The following CNTN4 variants were observed in gnomAD, a reference collection of about 807,000 sequenced individuals.
CNTN4 encodes the protein contactin-4.
CNTN4 carries 77 observed loss-of-function variants against 122.5 expected under a neutral mutation model. That is an observed-to-expected ratio of 0.63 (90% CI 0.52 to 0.76). The LOEUF is 0.76. CNTN4 is among the 30% of genes least tolerant of loss of function. The pLI is 0.00. For synonymous variants in CNTN4, 512 were observed against 447.0 expected (o/e 1.15, Z -1.83); for missense variants, 1,256 against 1,259.1 (o/e 1.00, Z 0.04).
chr3:2,854,516 G>A (rs554069822), intron 7 of CNTN4, among the ~76,000 whole-genome samples: 1 of 151,880 alleles, frequency 6.6e-6, no homozygotes, highest in South Asian at 2.1e-4. Flanking sequence ...CAAGTGATCC[G>A]CCTGCCTCTG....
chr3:2,744,094 C>T (rs1559455524), intron 5 of CNTN4, among the ~76,000 whole-genome samples: 1 of 152,162 alleles, frequency 6.6e-6, no homozygotes, highest in Non-Finnish European at 1.5e-5. Flanking sequence ...AGATTACAGG[C>T]GTGAGCCACC....
At chr3:3,036,455 A>G (rs1049704297) in intron 17 of CNTN4, among the ~76,000 whole-genome samples, 19 of 152,104 alleles carry the variant, frequency 1.2e-4, no homozygotes, top group African/African-American at 4.3e-4. Flanking sequence ...AATGGGCACA[A>G]TAAGAATTGT....
At chr3:2,693,935 A>C (rs2085877015) in intron 4 of CNTN4, among the ~76,000 whole-genome samples, 1 of 152,162 alleles carries the variant, frequency 6.6e-6, no homozygotes, top group Admixed American at 6.5e-5. Context: ...TGCTGCTATT[A>C]TTAGACACAT....
At chr3:2,580,503 G>T (rs773625360) in intron 4 of CNTN4, among the ~76,000 whole-genome samples, 77 of 152,240 alleles carry the variant, frequency 5.1e-4, no homozygotes, top group Middle Eastern at 6.8e-3. Flanking sequence ...TTACTGTACT[G>T]GAATATGCTG....
In CNTN4 at chr3:2,539,566, C is replaced by T. The variant is rs771988302; in HGVS notation, c.-88-31850C>T. ...CCCGAAGAGATTGAGTATAATAAGC[C>T]GTCCATGGTATTTACACTTGGAAAG... On this transcript the variant is annotated intron_variant, in intron 3 of 24. Coordinates refer to ENST00000418658, the MANE Select transcript of CNTN4 (RefSeq NM_175607.3). 6.6e-5 allele frequency among the ~76,000 whole-genome samples: 10 copies of T among 151,982 alleles called. 1 individual carries two copies. The highest frequency in any genetic ancestry group is 2.0e-4 in the Admixed American group (3 of 15,238).
chr3:2,829,906 G>A (rs2093066394), intron 7 of CNTN4, among the ~76,000 whole-genome samples: 1 of 151,932 alleles, frequency 6.6e-6, no homozygotes, highest in Non-Finnish European at 1.5e-5. Context: ...TCTTTTTTTA[G>A]TTCTAGTAAG....
intron 6 of CNTN4, among the ~76,000 whole-genome samples, chr3:2,783,759 C>T (rs1454972891): frequency 1.3e-5 from 2 of 152,158 alleles, no homozygotes; most frequent in Non-Finnish European, 2.9e-5. Context: ...AACGTAAAGA[C>T]GAATCCATTT....
chr3:2,223,635 A>G (rs374003568), intron 2 of CNTN4, among the ~76,000 whole-genome samples: 4 of 152,186 alleles, frequency 2.6e-5, no homozygotes, highest in African/African-American at 9.7e-5. Context: ...CTTGGCTGGC[A>G]TCTGGGATCG....
intron 2 of CNTN4, among the ~76,000 whole-genome samples, chr3:2,272,586 C>A (rs888674508): frequency 3.3e-5 from 5 of 152,064 alleles, no homozygotes; most frequent in African/African-American, 1.2e-4. Flanking sequence ...GAGAATATTT[C>A]CAGTTGAATT....
chr3:2,972,264 T>C (rs1375068408), intron 13 of CNTN4, among the ~76,000 whole-genome samples: 2 of 152,170 alleles, frequency 1.3e-5, no homozygotes, highest in African/African-American at 4.8e-5. Flanking sequence ...CATTTATATG[T>C]TAAAAATTAT....
intron 14 of CNTN4, among the ~76,000 whole-genome samples, chr3:3,004,315 TACTCTGATAACAGCCCTCC>T (rs1696379835): frequency 6.6e-6 from 1 of 152,182 alleles, no homozygotes; most frequent in Non-Finnish European, 1.5e-5. Flanking sequence ...ATCCAGCCTC[TACTCTGATAACAGCCCTCC>T]ACTCTATTCC....
At chr3:2,670,204 C>A (rs889101472) in intron 4 of CNTN4, among the ~76,000 whole-genome samples, 2 of 152,056 alleles carry the variant, frequency 1.3e-5, no homozygotes, top group Non-Finnish European at 2.9e-5. Flanking sequence ...TTGAAATCTC[C>A]CATTATTATT....
In CNTN4 at chr3:2,224,487, T is replaced by C. The variant is rs114691194; in HGVS notation, c.-144-114691T>C. On this transcript the variant is annotated intron_variant, in intron 2 of 24. Transcript: ENST00000418658. ...CTTGCACATGAGTTCCTCCAAATTC[T>C]ACCTGGGTCCTTTCCCCTTATTATT... Among the ~76,000 whole-genome samples, 1,111 of 152,258 alleles carry C rather than the reference T, an allele frequency of 7.3e-3. 17 individuals are homozygous for C. The highest frequency in any genetic ancestry group is 0.025 in the African/African-American group (1,043 of 41,550).
In CNTN4 at chr3:2,295,008, C is replaced by G. The variant is rs534454909; in HGVS notation, c.-144-44170C>G. Among the ~76,000 whole-genome samples the G allele has an allele frequency of 2.6e-5, 4 of 152,064 alleles. No individual in the cohort carries two copies. The South Asian group carries it at 8.3e-4, about 32-fold the overall frequency. ...CATGTCCCTACAAAGGACATGAACT[C>G]ATCATTTTTTATGGCTGCATAGTAT... On this transcript the variant is annotated intron_variant, in intron 2 of 24. Coordinates refer to ENST00000418658, the MANE Select transcript of CNTN4 (RefSeq NM_175607.3).
chr3:2,914,278 G>A (rs60664039), intron 12 of CNTN4, among the ~76,000 whole-genome samples: 63,903 of 151,836 alleles, frequency 0.42, 13,772 homozygotes, highest in East Asian at 0.65. Context: ...TGAAAAATCA[G>A]TAGAAGTAAT....
intron 2 of CNTN4, among the ~76,000 whole-genome samples, chr3:2,119,850 G>C (rs2033604504): frequency 6.6e-6 from 1 of 152,142 alleles, no homozygotes; most frequent in Non-Finnish European, 1.5e-5. Flanking sequence ...TACCCAAAAA[G>C]AGTTAAACAA....
At chr3:3,010,546 A>T (rs1697127412) in intron 14 of CNTN4, among the ~76,000 whole-genome samples, 1 of 152,062 alleles carries the variant, frequency 6.6e-6, no homozygotes, top group Non-Finnish European at 1.5e-5. Flanking sequence ...GATCATTGTG[A>T]CGAAGAAATG....
intron 2 of CNTN4, among the ~76,000 whole-genome samples, chr3:2,223,727 A>G (rs867303278): frequency 3.7e-4 from 56 of 152,186 alleles, no homozygotes; most frequent in Non-Finnish European, 4.1e-4. Context: ...TTTATGCTGC[A>G]TGCCTGCATC....
At chr3:2,824,877 G>T (rs1165475558) in intron 7 of CNTN4, among the ~76,000 whole-genome samples, 8 of 152,126 alleles carry the variant, frequency 5.3e-5, no homozygotes, top group Admixed American at 5.2e-4. Context: ...TGGCCAGGCT[G>T]ATCTCAAACT....
Sources: allele counts gnomAD v4.1 joint callset (sites outside exome capture counted in the v4.1 genomes callset), GRCh38; gene constraint gnomAD v4.1.1; transcripts MANE v1.5; gene names NCBI Gene and HGNC (gene_info 2026-07-23, HGNC 2026-07-21).